ARNT2: variants seen among roughly 807,000 people sequenced by gnomAD.
The protein encoded by ARNT2 is aryl hydrocarbon receptor nuclear translocator 2.
Under a neutral mutation model 91.7 loss-of-function variants are expected in ARNT2, and 36 were observed. The observed-to-expected ratio is 0.39, with a 90% CI of 0.30 to 0.52. The LOEUF (loss-of-function observed/expected upper bound fraction) is 0.52, where lower values mean the gene tolerates loss of function less well. Ranked by LOEUF, ARNT2 falls within the 20% of genes least tolerant of loss-of-function variation. The pLI is 0.72. For synonymous variants in ARNT2, 365 were observed against 347.1 expected, an observed-to-expected ratio of 1.05 and a Z score of -0.57; for missense variants, 775 against 939.3, an observed-to-expected ratio of 0.83 and a Z score of 2.29.
At position 80,562,924 on chromosome 15, in the gene ARNT2, C is replaced by T. The variant is rs906621318; in HGVS notation, c.1165-164C>T. Reference sequence around the variant, plus strand: ...CACCAGAAGGTAGACGGAGGAGTTCCCATTGCAAAACTGCTCTCCCTCTCT... The same window carrying T: ...CACCAGAAGGTAGACGGAGGAGTTCTCATTGCAAAACTGCTCTCCCTCTCT... On this transcript the variant is annotated intron_variant, in intron 11 of 18. Transcript: ENST00000303329. 3 of 748,104 alleles carry T rather than the reference C, an allele frequency of 4.0e-6. No individual in the cohort carries two copies. The African/African-American group carries it at 5.2e-5, about 13-fold the overall frequency. 46.3% of individuals were successfully genotyped at this position (748,104 alleles called of 1,614,324 possible).
At chr15:80,534,128 G>C (rs532399687) in intron 8 of ARNT2, among the ~76,000 whole-genome samples, 1 of 152,290 alleles carries the variant, frequency 6.6e-6, no homozygotes, top group Admixed American at 6.5e-5. Context: ...AAATGTTTTA[G>C]AATTAAACTC....
chr15:80,562,459 C>T (rs1230256281), intron 11 of ARNT2, among the ~76,000 whole-genome samples: 1 of 152,154 alleles, frequency 6.6e-6, no homozygotes, highest in Non-Finnish European at 1.5e-5. Flanking sequence ...TAAAACTCAT[C>T]TTACCAAACT....
intron 5 of ARNT2, among the ~76,000 whole-genome samples, chr15:80,489,647 C>T (rs77409114): frequency 0.022 from 3,282 of 152,318 alleles, 96 homozygotes; most frequent in African/African-American, 0.073. Flanking sequence ...TTTTGAACAC[C>T]TGCAGTGGCA....
intron 1 of ARNT2, among the ~76,000 whole-genome samples, chr15:80,440,691 A>G (rs1229222766): frequency 6.6e-6 from 1 of 152,224 alleles, no homozygotes; most frequent in Non-Finnish European, 1.5e-5. Context: ...GAAGGGGCTC[A>G]GGCAGGCATC....
chr15:80,413,822 G>A (rs143085487), intron 1 of ARNT2, among the ~76,000 whole-genome samples: 303 of 152,214 alleles, frequency 2.0e-3, no homozygotes, highest in African/African-American at 7.1e-3. Flanking sequence ...GAGGGAGGTG[G>A]GGCCAAAGGA....
chr15:80,447,448 C>T (rs1181327784), intron 1 of ARNT2, among the ~76,000 whole-genome samples: 21 of 152,164 alleles, frequency 1.4e-4, no homozygotes. Flanking sequence ...ATTCAGAAAC[C>T]CTGGAGCACA....
At chr15:80,523,138 C>T (rs1237798917) in intron 8 of ARNT2, among the ~76,000 whole-genome samples, 2 of 152,066 alleles carry the variant, frequency 1.3e-5, no homozygotes, top group Non-Finnish European at 2.9e-5. Context: ...TCTCATGAAC[C>T]CATCAGTTTT....
At chr15:80,587,409 G>A (rs918770270) in intron 17 of ARNT2, among the ~76,000 whole-genome samples, 1 of 151,908 alleles carries the variant, frequency 6.6e-6, no homozygotes, top group African/African-American at 2.4e-5. Context: ...GGTTTGGTGG[G>A]GGGGTGGGGT....
intron 3 of ARNT2, among the ~76,000 whole-genome samples, chr15:80,467,991 A>T (rs889132324): frequency 6.6e-6 from 1 of 151,590 alleles, no homozygotes; most frequent in African/African-American, 2.4e-5. Flanking sequence ...CCCCTTTTTC[A>T]TCACTTTCTT....
chr15:80,566,202 T>A (rs1898478175), intron 12 of ARNT2, among the ~76,000 whole-genome samples: 1 of 148,732 alleles, frequency 6.7e-6, no homozygotes, highest in Non-Finnish European at 1.5e-5. Flanking sequence ...GGCCAGCTCT[T>A]GCCTGCAGCC....
At chr15:80,559,949 C>T (rs566080050) in intron 11 of ARNT2, 3 of 151,042 alleles carry the variant, frequency 2.0e-5, no homozygotes, top group African/African-American at 7.5e-5. Flanking sequence ...CATAGCCAAT[C>T]CCCCATCACA....
chr15:80,491,847 A>G (rs1222846796), intron 5 of ARNT2, among the ~76,000 whole-genome samples: 1 of 116,158 alleles, frequency 8.6e-6, no homozygotes, highest in Non-Finnish European at 1.7e-5. Flanking sequence ...CAGTTGTTCC[A>G]GCACCTTTGG....
At chr15:80,436,032 C>G (rs778032488) in intron 1 of ARNT2, 8 of 152,208 alleles carry the variant, frequency 5.3e-5, no homozygotes, top group Non-Finnish European at 1.2e-4. Context: ...ATCCTTCCCC[C>G]CCGCCCTGCA....
chr15:80,579,800 G>A (rs1355143874), intron 15 of ARNT2, among the ~76,000 whole-genome samples: 1 of 152,228 alleles, frequency 6.6e-6, no homozygotes, highest in Non-Finnish European at 1.5e-5. Flanking sequence ...CAAAGGCCAT[G>A]CAGAGAGCAC....
chr15:80,470,189 C>T (rs768374596), intron 3 of ARNT2, 29 bp from the exon 4 acceptor site: 6 of 1,597,920 alleles, frequency 3.8e-6, no homozygotes, highest in Middle Eastern at 1.7e-4. Flanking sequence ...CTTTTTTCCC[C>T]CTCTCCTGAT....
intron 17 of ARNT2, among the ~76,000 whole-genome samples, chr15:80,585,371 G>A (rs188504767): frequency 6.6e-6 from 1 of 152,290 alleles, no homozygotes; most frequent in East Asian, 1.9e-4. Flanking sequence ...AACCATGGCA[G>A]TAATTTAAAC....
In ARNT2 at chr15:80,574,926, G is replaced by A. The variant is rs894822672; in HGVS notation, c.1390-61G>A. On this transcript the variant is annotated intron_variant, in intron 13 of 18. Transcript: ENST00000303329. The stretch of plus-strand genomic sequence containing the variant: ...ATGAAGGAGAGCTGGTGGCTCCTGG[G>A]GACGCATGTTCTGTGCCTTACGCAT... The A allele has an allele frequency of 5.8e-6, 9 of 1,563,708 alleles. No individual in the cohort carries two copies. The African/African-American group carries it at 8.1e-5, about 14-fold the overall frequency.
chr15:80,467,339 G>A (rs368332316), intron 3 of ARNT2, among the ~76,000 whole-genome samples: 5 of 152,178 alleles, frequency 3.3e-5, no homozygotes, highest in East Asian at 3.9e-4. Flanking sequence ...TTTGAGGGAC[G>A]GGAGCAGTTC....
Position 80,508,244 on chromosome 15 carries a change from C to A in ARNT2, c.711C>A (p.Phe237Leu), listed in dbSNP as rs1184100672. ...MRMCMGSRRS[F>L]ICRMRCGNAP... Reference sequence around the variant, plus strand: ...TGTGCATGGGCTCGCGGCGGTCTTTCATCTGCAGGATGAGGTCTGTTTTGG... The same window carrying A: ...TGTGCATGGGCTCGCGGCGGTCTTTAATCTGCAGGATGAGGTCTGTTTTGG... The change falls in exon 6 of 19, where the codon TTC becomes TTA. Residue 237 changes from phenylalanine to leucine, a missense_variant. By Grantham distance (22) the Phe-to-Leu change is conservative. This residue lies in a region of ARNT2 where 285 missense variants were observed against 327.2 expected (regional missense o/e 0.87). Coordinates refer to ENST00000303329, the MANE Select transcript of ARNT2 (RefSeq NM_014862.4). The A allele has an allele frequency of 6.2e-7, 1 of 1,614,088 alleles. No individual in the cohort carries two copies.
Sources: gnomAD v4.1 joint callset for allele counts (sites outside exome capture counted in the v4.1 genomes callset) on GRCh38, gnomAD v4.1.1 for gene constraint, gnomAD v4.1.1 regional missense constraint, MANE v1.5 for transcripts, NCBI Gene and HGNC (gene_info 2026-07-23, HGNC 2026-07-21) for gene names.